GOLIM4: variants seen among roughly 807,000 people sequenced by gnomAD.
The protein encoded by GOLIM4 is golgi integral membrane protein 4.
GOLIM4 carries 71 observed loss-of-function variants against 107.4 expected under a neutral mutation model. That is an observed-to-expected ratio of 0.66 (90% CI 0.55 to 0.81). The LOEUF is 0.81. Ranked by LOEUF, GOLIM4 falls within the 30% of genes least tolerant of loss-of-function variation. The pLI, the probability that GOLIM4 is intolerant of heterozygous loss-of-function variation, is 0.00. For missense variants in GOLIM4, 830 were observed against 826.1 expected (o/e 1.00, Z -0.06); for synonymous variants, 327 against 294.8 (o/e 1.11, Z -1.12).
intron 14 of GOLIM4, among the ~76,000 whole-genome samples, chr3:168,011,335 C>T (rs558449407): frequency 2.0e-5 from 3 of 152,168 alleles, no homozygotes; most frequent in Non-Finnish European, 4.4e-5. Context: ...GCTTTTCCGA[C>T]GGGATTAAAA....
At chr3:168,050,012 G>A (rs150858682) in intron 1 of GOLIM4, among the ~76,000 whole-genome samples, 19 of 152,224 alleles carry the variant, frequency 1.2e-4, no homozygotes, top group African/African-American at 4.1e-4. Context: ...GTCCTCTGAT[G>A]ACATGCATAC....
rs1035880529 is a variant in GOLIM4, at chr3:168,009,956, G to A, written c.*313C>T. The A allele has an allele frequency of 2.5e-5, 5 of 199,604 alleles. No homozygotes were observed. Among genetic ancestry groups the A allele is most frequent in the Non-Finnish European group, 5.0e-5 (5 of 100,384 alleles). The allele number at this position is 199,604 out of a possible 1,614,324, so 12.4% of individuals were successfully genotyped here. A position where few individuals can be genotyped will look rare whatever the true frequency, so the allele number is the denominator to read the frequency against. Reference sequence around the variant, plus strand: ...GAACTGGAAGCCAGAAAGGTAACACGCTGAAACATATACAAAATCAATGAG... The same window carrying A: ...GAACTGGAAGCCAGAAAGGTAACACACTGAAACATATACAAAATCAATGAG... On this transcript the variant is annotated 3_prime_UTR_variant, in exon 16 of 16. Coordinates refer to ENST00000470487, the MANE Select transcript of GOLIM4 (RefSeq NM_014498.5).
chr3:168,012,957 A>T (rs1228986403), intron 14 of GOLIM4, among the ~76,000 whole-genome samples: 1 of 150,004 alleles, frequency 6.7e-6, no homozygotes, highest in African/African-American at 2.5e-5. Context: ...AAAGACCATC[A>T]AGACTAGGAA....
At chr3:168,087,814 T>G (rs1168792496) in intron 1 of GOLIM4, among the ~76,000 whole-genome samples, 1 of 152,226 alleles carries the variant, frequency 6.6e-6, no homozygotes, top group Non-Finnish European at 1.5e-5. Flanking sequence ...CAGATTAAAG[T>G]GCTAGTGTCA....
intron 14 of GOLIM4, among the ~76,000 whole-genome samples, chr3:168,022,343 AAAAC>A (rs1717745635): frequency 6.6e-6 from 1 of 152,102 alleles, no homozygotes; most frequent in African/African-American, 2.4e-5. Context: ...TAAAAAAAAA[AAAAC>A]AACAACAACA....
At chr3:168,042,106 T>C (rs937461571) in intron 5 of GOLIM4, among the ~76,000 whole-genome samples, 2 of 152,170 alleles carry the variant, frequency 1.3e-5, no homozygotes, top group South Asian at 2.1e-4. Flanking sequence ...ATACAGTACA[T>C]TACCAAAACC....
intron 14 of GOLIM4, among the ~76,000 whole-genome samples, chr3:168,013,136 A>G (rs1283742097): frequency 3.3e-5 from 5 of 151,636 alleles, no homozygotes. Context: ...TGCTGTATTC[A>G]GGAAACCCAT....
rs760148493 is a variant in GOLIM4, at chr3:168,010,208, TTA to T, written c.*59_*60del. On this transcript the variant is annotated 3_prime_UTR_variant, in exon 16 of 16. Transcript: ENST00000470487. ...ATATCCTAGAGTTCAGTAGGCAGAT[TTA>T]TGTTTGAGCAGCTTGAAAAGAATCC... The T allele has an allele frequency of 1.4e-5, 20 of 1,481,252 alleles. No homozygotes were observed. Among genetic ancestry groups the T allele is most frequent in the Non-Finnish European group, 1.8e-5 (20 of 1,089,946 alleles). The allele number at this position is 1,481,252 out of a possible 1,614,324, so 91.8% of individuals were successfully genotyped here.
At chr3:168,088,418 T>A (rs1424112844) in intron 1 of GOLIM4, among the ~76,000 whole-genome samples, 1 of 152,182 alleles carries the variant, frequency 6.6e-6, no homozygotes, top group East Asian at 1.9e-4. Flanking sequence ...TCTCCAGGAC[T>A]CATACTCGTC....
At chr3:168,065,258 C>T (rs1437807340) in intron 1 of GOLIM4, among the ~76,000 whole-genome samples, 2 of 152,148 alleles carry the variant, frequency 1.3e-5, no homozygotes, top group African/African-American at 4.8e-5. Context: ...ATCAGCTATA[C>T]ATAATTCATT....
At chr3:168,069,951 C>CATT (rs1720752322) in intron 1 of GOLIM4, among the ~76,000 whole-genome samples, 1 of 152,096 alleles carries the variant, frequency 6.6e-6, no homozygotes, top group Admixed American at 6.5e-5. Flanking sequence ...ACTAATTCAC[C>CATT]ATTAGTAAGG....
intron 8 of GOLIM4, 32 bp downstream of exon 8, chr3:168,036,804 C>G (rs1485249149): frequency 3.9e-6 from 6 of 1,537,760 alleles, no homozygotes; most frequent in Non-Finnish European, 4.4e-6. Flanking sequence ...AGAAAGTGAC[C>G]TAACCATAGA....
At chr3:168,046,819 A>C (rs535362628) in intron 3 of GOLIM4, 131 bp downstream of exon 3, 1 of 439,856 alleles carries the variant, frequency 2.3e-6, no homozygotes, top group East Asian at 3.8e-5. Flanking sequence ...AAAAAAAAAA[A>C]GGGGGTGTCA....
intron 10 of GOLIM4, 134 bp from the exon 11 acceptor site, chr3:168,029,436 A>G (rs1718185131): frequency 1.7e-6 from 1 of 582,984 alleles, no homozygotes; most frequent in African/African-American, 1.9e-5. Flanking sequence ...AAAATTTTTA[A>G]AAACCTCTTA....
chr3:168,029,726 G>A (rs543206449), intron 10 of GOLIM4, 54 bp downstream of exon 10: 26 of 1,586,200 alleles, frequency 1.6e-5, no homozygotes, highest in South Asian at 6.8e-5. Context: ...TTTAATTTGC[G>A]TATGAAAACT....
intron 1 of GOLIM4, among the ~76,000 whole-genome samples, chr3:168,092,814 AT>A (rs1355038003): frequency 6.6e-6 from 1 of 152,100 alleles, no homozygotes; most frequent in Non-Finnish European, 1.5e-5. Context: ...TCCAAAATAA[AT>A]GCTACTGAAG....
chr3:168,074,265 A>G (rs531809857), intron 1 of GOLIM4, among the ~76,000 whole-genome samples: 3 of 152,350 alleles, frequency 2.0e-5, no homozygotes, highest in African/African-American at 7.2e-5. Flanking sequence ...CATGACTCTC[A>G]GGAAACTGTG....
rs753254680 is a variant in GOLIM4 at position 168,040,804 on chromosome 3, A to C, written c.666T>G (p.Ser222Arg). ...QLVVTLEDHK[S>R]ALAAAQTQVA... ...TTCTAACCTGTGCAGCAGCTAGTGC[A>C]CTCTTGTGGTCTTCCAAAGTCACTA... Residue 222 changes from serine (S) to arginine (R), a missense_variant, in exon 7 of 16, where the codon AGT becomes AGG. Coordinates refer to ENST00000470487, the MANE Select transcript of GOLIM4 (RefSeq NM_014498.5). 2 of 1,610,826 alleles carry C rather than the reference A, an allele frequency of 1.2e-6. No homozygotes were observed. The highest frequency in any genetic ancestry group is 4.5e-5 in the East Asian group (2 of 44,850).
intron 1 of GOLIM4, among the ~76,000 whole-genome samples, chr3:168,058,193 C>T (rs971351884): frequency 6.6e-6 from 1 of 152,112 alleles, no homozygotes; most frequent in Non-Finnish European, 1.5e-5. Flanking sequence ...ACACAAGTGT[C>T]CATTTTTAAG....
Sources: gnomAD v4.1 joint callset for allele counts (sites outside exome capture counted in the v4.1 genomes callset) on GRCh38, gnomAD v4.1.1 for gene constraint, MANE v1.5 for transcripts, NCBI Gene and HGNC (gene_info 2026-07-23, HGNC 2026-07-21) for gene names.